Variants in TPRG1 observed in about 807,000 individuals in gnomAD.
TPRG1 encodes the protein tumor protein p63 regulated 1, also known as tumor protein p63-regulated gene 1 protein.
In TPRG1, 29 loss-of-function variants were observed where a neutral mutation model predicts 29.3. The ratio of observed to expected loss-of-function variants is 0.99; its 90% CI spans 0.74 to 1.35. TPRG1 has a LOEUF of 1.35. TPRG1 is among the 40% of genes most tolerant of loss of function. The probability of loss-of-function intolerance (pLI) is 0.00; values close to 1 mark genes in which losing one functional copy is unlikely to be tolerated. For synonymous variants in TPRG1, 130 were observed against 116.8 expected (o/e 1.11, Z -0.73); for missense variants, 327 against 335.0 (o/e 0.98, Z 0.19).
intron 4 of TPRG1, among the ~76,000 whole-genome samples, chr3:189,083,760 T>C (rs149186468): frequency 1.3e-3 from 201 of 152,356 alleles, no homozygotes; most frequent in African/African-American, 4.3e-3. Context: ...TTGCCTGTGA[T>C]GCTTGTCAGG....
chr3:189,303,663 A>G (rs1721185393), intron 4 of TPRG1, among the ~76,000 whole-genome samples: 1 of 152,228 alleles, frequency 6.6e-6, no homozygotes, highest in Admixed American at 6.5e-5. Context: ...ATTCACCTTC[A>G]TTAAACAAAA....
chr3:189,160,775 G>C (rs1345711181), intron 5 of TPRG1, among the ~76,000 whole-genome samples: 1 of 152,214 alleles, frequency 6.6e-6, no homozygotes, highest in Non-Finnish European at 1.5e-5. Context: ...TTCTCTGGGG[G>C]ATGAAAATTT....
chr3:189,185,061 G>A (rs1381448726), intron 1 of TPRG1, among the ~76,000 whole-genome samples: 1 of 152,134 alleles, frequency 6.6e-6, no homozygotes, highest in Non-Finnish European at 1.5e-5. Context: ...CTTATTTGGT[G>A]GACTTTAAAA....
chr3:189,263,099 G>A (rs867122978), intron 4 of TPRG1, among the ~76,000 whole-genome samples: 1 of 152,232 alleles, frequency 6.6e-6, no homozygotes, highest in Non-Finnish European at 1.5e-5. Context: ...ACTAAATCCA[G>A]CCCACACTCC....
intron 4 of TPRG1, among the ~76,000 whole-genome samples, chr3:189,277,225 G>A (rs1042154143): frequency 1.3e-5 from 2 of 152,202 alleles, no homozygotes; most frequent in Non-Finnish European, 2.9e-5. Flanking sequence ...CATTGAGTGT[G>A]TGATGGGGGT....
At chr3:189,048,784 C>T (rs1715125891) in intron 4 of TPRG1, among the ~76,000 whole-genome samples, 1 of 152,202 alleles carries the variant, frequency 6.6e-6, no homozygotes, top group Non-Finnish European at 1.5e-5. Flanking sequence ...AATGCTCCTG[C>T]AGGACCTGGG....
chr3:189,160,028 CT>C (rs67034160), intron 5 of TPRG1, among the ~76,000 whole-genome samples: 36,291 of 151,722 alleles, frequency 0.24, 4,550 homozygotes, highest in South Asian at 0.41. Context: ...AAAGGAAGGC[CT>C]TGTATGGTGG....
chr3:189,061,835 G>A (rs1716126191), intron 4 of TPRG1, among the ~76,000 whole-genome samples: 1 of 152,180 alleles, frequency 6.6e-6, no homozygotes, highest in African/African-American at 2.4e-5. Flanking sequence ...ATACACTGGT[G>A]GTGGAGTGTA....
intron 4 of TPRG1, among the ~76,000 whole-genome samples, chr3:189,307,122 A>G (rs1277524479): frequency 6.6e-6 from 1 of 152,140 alleles, no homozygotes; most frequent in Non-Finnish European, 1.5e-5. Flanking sequence ...TCCTGGGTTC[A>G]AGTGATTCTC....
At chr3:189,053,930 T>A (rs1715493182) in intron 4 of TPRG1, among the ~76,000 whole-genome samples, 1 of 152,222 alleles carries the variant, frequency 6.6e-6, no homozygotes, top group Non-Finnish European at 1.5e-5. Context: ...GCAATAAGGC[T>A]GTTTTGCTTT....
chr3:189,222,478 C>T (rs1737089865), intron 3 of TPRG1, among the ~76,000 whole-genome samples: 1 of 152,158 alleles, frequency 6.6e-6, no homozygotes, highest in African/African-American at 2.4e-5. Context: ...CTCATCTAGT[C>T]TAGACCCCTG....
At chr3:189,160,940 G>A (rs17479382) in intron 5 of TPRG1, among the ~76,000 whole-genome samples, 8,877 of 152,288 alleles carry the variant, frequency 0.058, 362 homozygotes, top group Middle Eastern at 0.12. Context: ...GTGGAGAAGA[G>A]GCAATGAGGC....
At chr3:189,064,325 C>G (rs1716297132) in intron 4 of TPRG1, among the ~76,000 whole-genome samples, 1 of 152,098 alleles carries the variant, frequency 6.6e-6, no homozygotes, top group Admixed American at 6.6e-5. Context: ...TCCAAGATCT[C>G]AATTCCCAAG....
chr3:189,140,280 G>A (rs1230130654), intron 3 of TPRG1, among the ~76,000 whole-genome samples: 8 of 152,162 alleles, frequency 5.3e-5, no homozygotes, highest in Non-Finnish European at 5.9e-5. Context: ...GGCTCCTGAA[G>A]TGGATGGACT....
chr3:189,099,897 A>C (rs1160824155), upstream of TPRG1, among the ~76,000 whole-genome samples: 4 of 152,168 alleles, frequency 2.6e-5, no homozygotes, highest in South Asian at 8.3e-4. Flanking sequence ...AGTGGCTCCC[A>C]AAGGAGACCT....
intron 4 of TPRG1, among the ~76,000 whole-genome samples, chr3:189,089,900 T>C (rs1013583649): frequency 2.0e-4 from 30 of 152,004 alleles, no homozygotes; most frequent in African/African-American, 7.0e-4. Flanking sequence ...GTTTGTCTTC[T>C]TTTTTTTATG....
chr3:189,127,808 G>A (rs1273996139), intron 2 of TPRG1, among the ~76,000 whole-genome samples: 1 of 152,194 alleles, frequency 6.6e-6, no homozygotes, highest in Non-Finnish European at 1.5e-5. Flanking sequence ...TGGCCTTTGT[G>A]AGGTAGAGTC....
chr3:189,091,387 A>G (rs1718328309), intron 4 of TPRG1, among the ~76,000 whole-genome samples: 1 of 152,174 alleles, frequency 6.6e-6, no homozygotes, highest in African/African-American at 2.4e-5. Flanking sequence ...AAATATATAC[A>G]ACCACTTAAT....
intron 3 of TPRG1, among the ~76,000 whole-genome samples, chr3:189,231,351 A>G (rs1375420873): frequency 6.6e-6 from 1 of 151,710 alleles, no homozygotes; most frequent in African/African-American, 2.4e-5. Flanking sequence ...TAAAATGAAA[A>G]TATTTTGTAT....
Sources: allele counts gnomAD v4.1 joint callset (sites outside exome capture counted in the v4.1 genomes callset), GRCh38; gene constraint gnomAD v4.1.1; transcripts MANE v1.5; gene names NCBI Gene and HGNC (gene_info 2026-07-23, HGNC 2026-07-21).